CHAT: variants seen among roughly 807,000 people sequenced by gnomAD.
CHAT encodes the protein choline O-acetyltransferase, also known as acetyl CoA:choline O-acetyltransferase.
Under a neutral mutation model 76.9 loss-of-function variants are expected in CHAT, and 61 were observed. The observed-to-expected ratio is 0.79, with a 90% confidence interval of 0.65 to 0.98. CHAT has a LOEUF of 0.98. Ranked by LOEUF, CHAT falls within the 50% of genes least tolerant of loss-of-function variation. The pLI, the probability that CHAT is intolerant of heterozygous loss-of-function variation, is 0.00. For synonymous variants in CHAT, 407 were observed against 397.4 expected (o/e 1.02, Z -0.29); for missense variants, 946 against 986.9 (o/e 0.96, Z 0.56).
At chr10:49,616,026 G>A (rs759508399) in intron 1 of CHAT, 1 of 1,613,780 alleles carries the variant, frequency 6.2e-7, no homozygotes, top group Admixed American at 1.7e-5. Flanking sequence ...AACGGAGTGA[G>A]GGAATTCACC....
At chr10:49,641,563 C>T (rs1305230094) in intron 7 of CHAT, among the ~76,000 whole-genome samples, 1 of 152,098 alleles carries the variant, frequency 6.6e-6, no homozygotes, top group African/African-American at 2.4e-5. Flanking sequence ...GGACTGACAG[C>T]ATAAAGATCA....
chr10:49,619,898 G>A lies in CHAT; in HGVS notation c.561G>A (p.Gln187=). Residue 187 remains glutamine (Q), a synonymous_variant, in exon 3 of 15, where the codon CAG becomes CAA. Transcript: ENST00000337653. ...ETLQQKLLER[Q]EKTANWVSEY... ...TGCAGCAGAAACTCCTGGAGCGGCA[G>A]GAGAAGACAGCCAACTGGGTAAGAG... is the stretch of plus-strand genomic sequence containing the variant. The A allele has an allele frequency of 6.2e-7, 1 of 1,612,232 alleles. No homozygotes were observed. Among genetic ancestry groups the A allele is most frequent in the Non-Finnish European group, 8.5e-7 (1 of 1,179,478 alleles).
chr10:49,657,008 C>T (rs1266767374), intron 13 of CHAT, among the ~76,000 whole-genome samples: 1 of 151,936 alleles, frequency 6.6e-6, no homozygotes, highest in Non-Finnish European at 1.5e-5. Context: ...TACACCAGGG[C>T]AAAGAGAACA....
At chr10:49,646,208 A>G (rs902053531) in intron 7 of CHAT, among the ~76,000 whole-genome samples, 12 of 152,230 alleles carry the variant, frequency 7.9e-5, no homozygotes, top group Non-Finnish European at 4.4e-5. Context: ...TCATCTTGGC[A>G]TGCATGACCA....
upstream of CHAT, chr10:49,610,838 GC>G (rs1838273424): frequency 6.2e-7 from 1 of 1,610,130 alleles, no homozygotes; most frequent in Non-Finnish European, 8.5e-7. Flanking sequence ...CGGCAGAGGC[GC>G]CTGGTGCTTG....
At chr10:49,617,638 T>C (rs1420748211) in intron 2 of CHAT, among the ~76,000 whole-genome samples, 1 of 152,198 alleles carries the variant, frequency 6.6e-6, no homozygotes, top group African/African-American at 2.4e-5. Context: ...AGGGGAGCAG[T>C]GTCTGGCAGA....
intron 7 of CHAT, among the ~76,000 whole-genome samples, chr10:49,633,115 T>G (rs1046685467): frequency 6.6e-6 from 1 of 152,214 alleles, no homozygotes; most frequent in African/African-American, 2.4e-5. Context: ...CCAGGTGTGC[T>G]GAGGCCAGTG....
intron 3 of CHAT, 53 bp downstream of exon 3, chr10:49,619,969 A>T (rs2132711419): frequency 6.4e-7 from 1 of 1,556,110 alleles, no homozygotes; most frequent in Admixed American, 1.9e-5. Flanking sequence ...GCAGACCTGG[A>T]GACAGAGGGA....
At chr10:49,651,437 CT>C (rs1839874135) in intron 10 of CHAT, among the ~76,000 whole-genome samples, 1 of 152,186 alleles carries the variant, frequency 6.6e-6, no homozygotes, top group African/African-American at 2.4e-5. Flanking sequence ...GGGCAGTCAG[CT>C]CAGACCCCAG....
intron 13 of CHAT, among the ~76,000 whole-genome samples, chr10:49,656,878 C>T (rs932769812): frequency 6.6e-6 from 1 of 151,986 alleles, no homozygotes; most frequent in Non-Finnish European, 1.5e-5. Context: ...AAGGGGAAGT[C>T]GTAAACTCCT....
chr10:49,649,684 C>T (rs375922085), intron 10 of CHAT, 48 bp downstream of exon 10: 5 of 1,606,828 alleles, frequency 3.1e-6, no homozygotes, highest in Non-Finnish European at 4.3e-6. Context: ...GGGACCACCC[C>T]GCCCTTGCCT....
At chr10:49,655,344 C>T in intron 12 of CHAT, 42 bp from the exon 13 acceptor site, 1 of 1,613,210 alleles carries the variant, frequency 6.2e-7, no homozygotes, top group Non-Finnish European at 8.5e-7. Context: ...TGGCTCCAAG[C>T]AGCCTTTTAA....
At chr10:49,660,061 A>G (rs1840145250) in intron 13 of CHAT, among the ~76,000 whole-genome samples, 1 of 152,228 alleles carries the variant, frequency 6.6e-6, no homozygotes. Flanking sequence ...ATTATGCTGT[A>G]TCTTGATCAA....
At chr10:49,616,727 C>T (rs1838511265) in intron 2 of CHAT, 125 bp downstream of exon 2, 4 of 740,218 alleles carry the variant, frequency 5.4e-6, no homozygotes, top group Non-Finnish European at 4.8e-6. Context: ...CCTCTACTGG[C>T]ACAAGGCCCA....
Position 49,664,773 on chromosome 10 carries a change from C to T in CHAT, c.1978-4C>T. 6.2e-7 allele frequency: 1 copy of T among 1,614,194 alleles called. No homozygotes were observed. The highest frequency in any genetic ancestry group is 8.5e-7 in the Non-Finnish European group (1 of 1,180,032). ...AGCAGCTCCTGACCTGTCCTCTCCT[C>T]CAGGTGCCCACAACCACGGAGATGT... is the stretch of plus-strand genomic sequence containing the variant. On this transcript the variant is annotated splice_polypyrimidine_tract_variant and splice_region_variant and intron_variant, in intron 14 of 14. Transcript: ENST00000337653.
chr10:49,617,179 T>G (rs1838529068), intron 2 of CHAT, among the ~76,000 whole-genome samples: 3 of 150,060 alleles, frequency 2.0e-5, no homozygotes, highest in East Asian at 2.0e-4. Context: ...CTCTTCCCCC[T>G]TCCCCCTTCC....
At chr10:49,650,251 G>A (rs540284373) in intron 10 of CHAT, among the ~76,000 whole-genome samples, 16 of 151,896 alleles carry the variant, frequency 1.1e-4, no homozygotes, top group Non-Finnish European at 1.9e-4. Flanking sequence ...GTGTGCACCC[G>A]GCCCGTGGTA....
intron 7 of CHAT, chr10:49,637,413 T>C (rs1017216103): frequency 6.6e-6 from 1 of 152,220 alleles, no homozygotes; most frequent in African/African-American, 2.4e-5. Context: ...CATCTCGAAT[T>C]GTAATCCCCA....
In CHAT at chr10:49,643,535, C is replaced by T. The variant is rs547052038; in HGVS notation, c.1112-2970C>T. Reference sequence around the variant, plus strand: ...CAGTAGCACAGCACATAGTGCAGGGCGAGCACTATGGCCATCTGCAGGGAT... The same window carrying T: ...CAGTAGCACAGCACATAGTGCAGGGTGAGCACTATGGCCATCTGCAGGGAT... On this transcript the variant is annotated intron_variant, in intron 7 of 14. Transcript: ENST00000337653. Among the ~76,000 whole-genome samples, 81 of 152,292 alleles carry T rather than the reference C, an allele frequency of 5.3e-4. 2 individuals are homozygous for T. Among genetic ancestry groups the T allele is most frequent in the Non-Finnish European group, 1.0e-3 (70 of 68,022 alleles).
Sources: gnomAD v4.1 joint callset for allele counts (sites outside exome capture counted in the v4.1 genomes callset) on GRCh38, gnomAD v4.1.1 for gene constraint, MANE v1.5 for transcripts, NCBI Gene and HGNC (gene_info 2026-07-23, HGNC 2026-07-21) for gene names.